Variants in DPP10 observed in about 807,000 individuals in gnomAD.
The protein encoded by DPP10 is dipeptidyl peptidase like 10.
Under a neutral mutation model 120.9 loss-of-function variants are expected in DPP10, and 33 were observed. That is an observed-to-expected ratio of 0.27 (90% CI 0.21 to 0.37). The LOEUF (loss-of-function observed/expected upper bound fraction) is 0.37, where lower values mean the gene tolerates loss of function less well. Ranked by LOEUF, DPP10 falls within the 10% of genes least tolerant of loss-of-function variation. DPP10 has a pLI of 1.00. For missense variants in DPP10, 816 were observed against 942.8 expected, an observed-to-expected ratio of 0.87 and a Z score of 1.76; for synonymous variants, 337 against 326.1, an observed-to-expected ratio of 1.03 and a Z score of -0.36.
intron 5 of DPP10, among the ~76,000 whole-genome samples, chr2:115,687,957 A>G (rs1010149778): frequency 2.0e-5 from 3 of 152,064 alleles, no homozygotes; most frequent in East Asian, 1.9e-4. Context: ...ATATCATGAC[A>G]TATTTGTCTT....
intron 1 of DPP10, chr2:115,162,118 C>G (rs2052429684): frequency 2.6e-6 from 4 of 1,516,354 alleles, no homozygotes; most frequent in South Asian, 1.2e-5. Context: ...GCTGGGCTCC[C>G]GCGCCTCCCT....
chr2:115,417,158 T>G (rs1176464237), intron 3 of DPP10, among the ~76,000 whole-genome samples: 3 of 152,166 alleles, frequency 2.0e-5, no homozygotes, highest in African/African-American at 7.2e-5. Context: ...ATGGCCCTTG[T>G]TACAGATGTA....
intron 3 of DPP10, among the ~76,000 whole-genome samples, chr2:115,368,359 T>A (rs1356975591): frequency 2.6e-5 from 4 of 152,076 alleles, no homozygotes; most frequent in African/African-American, 7.2e-5. Flanking sequence ...AACCATGACA[T>A]GGGAGGTTAT....
At chr2:115,661,162 G>A (rs1471538879) in intron 5 of DPP10, among the ~76,000 whole-genome samples, 1 of 152,026 alleles carries the variant, frequency 6.6e-6, no homozygotes, top group Non-Finnish European at 1.5e-5. Flanking sequence ...TCTTGGCCAG[G>A]CTGATCTTGA....
intron 1 of DPP10, among the ~76,000 whole-genome samples, chr2:115,206,752 T>C (rs2056161320): frequency 6.6e-6 from 1 of 152,186 alleles, no homozygotes; most frequent in Non-Finnish European, 1.5e-5. Context: ...TCTGGTACTG[T>C]AAGTGTATAA....
intron 2 of DPP10, among the ~76,000 whole-genome samples, chr2:115,312,057 A>G (rs1333488489): frequency 4.6e-5 from 7 of 152,124 alleles, no homozygotes. Context: ...CACCCAGCCC[A>G]CAATTATTAT....
chr2:115,433,965 A>G (rs1459669077), intron 3 of DPP10, among the ~76,000 whole-genome samples: 2 of 151,898 alleles, frequency 1.3e-5, no homozygotes, highest in South Asian at 2.1e-4. Context: ...GTCATTATCT[A>G]TTTATCTTTA....
chr2:114,764,954 A>G (rs1056196825), intron 1 of DPP10, among the ~76,000 whole-genome samples: 1 of 152,124 alleles, frequency 6.6e-6, no homozygotes, highest in African/African-American at 2.4e-5. Context: ...GTAATATGCC[A>G]CATATTACAT....
chr2:115,689,991 T>G, intron 7 of DPP10, 70 bp downstream of exon 7: 2 of 1,486,888 alleles, frequency 1.3e-6, no homozygotes, highest in Non-Finnish European at 1.8e-6. Flanking sequence ...AACTGAAACT[T>G]TGGAAAAACC....
chr2:115,553,264 A>G (rs2008031), intron 5 of DPP10, among the ~76,000 whole-genome samples: 115,154 of 151,914 alleles, frequency 0.76, 46,030 homozygotes, highest in Non-Finnish European at 0.88. Flanking sequence ...GAATTACACC[A>G]TAACATTACC....
At chr2:114,930,231 C>T (rs1261509027) in intron 1 of DPP10, among the ~76,000 whole-genome samples, 3 of 152,162 alleles carry the variant, frequency 2.0e-5, no homozygotes, top group African/African-American at 4.8e-5. Context: ...TTGGATTTCT[C>T]TCCTTAAAAT....
At chr2:114,456,559 A>G (rs988209808) in intron 1 of DPP10, among the ~76,000 whole-genome samples, 3 of 152,238 alleles carry the variant, frequency 2.0e-5, no homozygotes, top group African/African-American at 7.2e-5. Flanking sequence ...AGACACACAT[A>G]CTTATTATCA....
At chr2:114,958,080 T>A (rs1015181725) in intron 1 of DPP10, among the ~76,000 whole-genome samples, 1 of 151,954 alleles carries the variant, frequency 6.6e-6, no homozygotes, top group Non-Finnish European at 1.5e-5. Flanking sequence ...CACAGCAGAT[T>A]CAGAGAGACT....
chr2:114,634,061 A>G (rs1462534631), intron 1 of DPP10, among the ~76,000 whole-genome samples: 1 of 151,920 alleles, frequency 6.6e-6, no homozygotes, highest in East Asian at 1.9e-4. Context: ...TTAAAAATAT[A>G]CCCCACTAAA....
At chr2:115,601,968 A>G (rs944144502) in intron 5 of DPP10, among the ~76,000 whole-genome samples, 7 of 152,062 alleles carry the variant, frequency 4.6e-5, no homozygotes, top group Non-Finnish European at 1.0e-4. Context: ...GGTGTGAGCC[A>G]CCGCGCCCGG....
chr2:115,801,781 G>A (rs1685271765), intron 19 of DPP10, among the ~76,000 whole-genome samples: 1 of 152,194 alleles, frequency 6.6e-6, no homozygotes, highest in Non-Finnish European at 1.5e-5. Context: ...CAGGGATGAA[G>A]CCCACTTGAT....
intron 1 of DPP10, among the ~76,000 whole-genome samples, chr2:114,958,457 A>G (rs1344823405): frequency 6.6e-6 from 1 of 152,156 alleles, no homozygotes; most frequent in African/African-American, 2.4e-5. Flanking sequence ...CTTTTTAGTG[A>G]TCTACTGCAC....
chr2:115,821,665 AATTG>A (rs1260743316), intron 21 of DPP10, among the ~76,000 whole-genome samples: 1 of 151,530 alleles, frequency 6.6e-6, no homozygotes, highest in Non-Finnish European at 1.5e-5. Flanking sequence ...CATTTATTTG[AATTG>A]ATTATTTTTT....
chr2:115,656,705 G>T (rs2088383926), intron 5 of DPP10, among the ~76,000 whole-genome samples: 2 of 151,648 alleles, frequency 1.3e-5, no homozygotes, highest in African/African-American at 4.8e-5. Flanking sequence ...CAGTTAATTT[G>T]TTACCAGCGG....
Sources: gnomAD v4.1 joint callset for allele counts (sites outside exome capture counted in the v4.1 genomes callset) on GRCh38, gnomAD v4.1.1 for gene constraint, MANE v1.5 for transcripts, NCBI Gene and HGNC (gene_info 2026-07-23, HGNC 2026-07-21) for gene names.